Variants in PRICKLE2 observed in about 807,000 individuals in gnomAD.
PRICKLE2 encodes prickle-like protein 2.
A neutral mutation model predicts 81.4 loss-of-function variants in PRICKLE2; 21 were observed. The observed-to-expected ratio is 0.26, with a 90% confidence interval of 0.18 to 0.37. The LOEUF is 0.37. Ranked by LOEUF, PRICKLE2 falls within the 10% of genes least tolerant of loss-of-function variation. The pLI is 1.00. For synonymous variants in PRICKLE2, 456 were observed against 421.5 expected (o/e 1.08, Z -1.00); for missense variants, 940 against 1,109.0 (o/e 0.85, Z 2.16).
At chr3:64,188,102 C>G (rs1040182597) in intron 2 of PRICKLE2, among the ~76,000 whole-genome samples, 1 of 152,214 alleles carries the variant, frequency 6.6e-6, no homozygotes, top group Admixed American at 6.5e-5. Flanking sequence ...CGTATCTGCA[C>G]GCAAATCTGC....
chr3:64,153,473 T>G (rs2077578350), intron 5 of PRICKLE2, 105 bp from the exon 6 acceptor site: 1 of 1,052,340 alleles, frequency 9.5e-7, no homozygotes, highest in African/African-American at 1.6e-5. Context: ...AGAAAGCAGA[T>G]CCTACTCACA....
chr3:64,109,593 T>C (rs889720421), intron 7 of PRICKLE2, among the ~76,000 whole-genome samples: 3 of 150,722 alleles, frequency 2.0e-5, no homozygotes, highest in Non-Finnish European at 4.4e-5. Flanking sequence ...GGGGCAGGGG[T>C]GGGGGAGGAG....
intron 2 of PRICKLE2, 27 bp downstream of exon 2, chr3:64,198,757 C>A: frequency 6.2e-7 from 1 of 1,612,754 alleles, no homozygotes; most frequent in Non-Finnish European, 8.5e-7. Context: ...ACCCAAACCA[C>A]CAGCATGCTC....
At chr3:64,177,530 C>A (rs962295928) in intron 2 of PRICKLE2, among the ~76,000 whole-genome samples, 1 of 152,072 alleles carries the variant, frequency 6.6e-6, no homozygotes, top group Non-Finnish European at 1.5e-5. Flanking sequence ...ACTTTTTCAT[C>A]ATGTTAAACA....
chr3:64,187,331 C>T (rs2078252878), intron 2 of PRICKLE2, among the ~76,000 whole-genome samples: 1 of 152,234 alleles, frequency 6.6e-6, no homozygotes. Context: ...CAGCATTGTT[C>T]ATGTGACTAG....
intron 2 of PRICKLE2, among the ~76,000 whole-genome samples, chr3:64,233,038 A>C (rs1390231746): frequency 6.6e-6 from 1 of 152,246 alleles, no homozygotes; most frequent in Admixed American, 6.5e-5. Flanking sequence ...GGGTTGAGTC[A>C]TTGTAACAGA....
At chr3:64,139,171 G>A (rs2107000684) in intron 7 of PRICKLE2, among the ~76,000 whole-genome samples, 1 of 152,254 alleles carries the variant, frequency 6.6e-6, no homozygotes, top group East Asian at 1.9e-4. Flanking sequence ...GCCAAGGTGT[G>A]TAGATGAGGT....
At chr3:64,106,043 G>C (rs566611356) in intron 7 of PRICKLE2, 1 of 152,298 alleles carries the variant, frequency 6.6e-6, no homozygotes, top group South Asian at 2.1e-4. Flanking sequence ...CAGAAACTGT[G>C]CTCCTGTTTG....
At chr3:64,264,959 C>A (rs947931842) in intron 2 of PRICKLE2, among the ~76,000 whole-genome samples, 7 of 152,134 alleles carry the variant, frequency 4.6e-5, no homozygotes, top group African/African-American at 1.7e-4. Flanking sequence ...CTGGGCTAAT[C>A]TTGCAGGGAG....
chr3:64,150,507 G>T (rs1418222607), intron 6 of PRICKLE2, among the ~76,000 whole-genome samples: 1 of 152,084 alleles, frequency 6.6e-6, no homozygotes, highest in Non-Finnish European at 1.5e-5. Context: ...TAACTAGGAG[G>T]CTGCTCTGTC....
chr3:64,147,141 T>C lies in PRICKLE2; in HGVS notation c.1349A>G (p.Lys450Arg), dbSNP rs1426328509. The change falls in exon 7 of 8, where the codon AAA becomes AGA. Residue 450 changes from lysine to arginine, a missense_variant. Physicochemically the swap from Lys to Arg is conservative, Grantham distance 26. This residue lies in a region of PRICKLE2 where 670 missense variants were observed against 717.2 expected (regional missense o/e 0.93). Coordinates refer to ENST00000638394, the MANE Select transcript of PRICKLE2 (RefSeq NM_198859.4). The surrounding 1 kb of genome is among the most constrained non-coding windows in gnomAD (Gnocchi z 5.0). ...TGTCATGGCCAGTGACGAGCTCCTT[T>C]TGGGGTTGCTGAAGTGCTTGCCCCA... Reference protein sequence around the residue: ...EMWGKHFSNPKRSSSLAMTGH... With the variant: ...EMWGKHFSNPRRSSSLAMTGH... 5 of 1,614,040 alleles carry C rather than the reference T, an allele frequency of 3.1e-6. No individual in the cohort carries two copies. The highest frequency in any genetic ancestry group is 4.2e-6 in the Non-Finnish European group (5 of 1,180,036).
intron 2 of PRICKLE2, among the ~76,000 whole-genome samples, chr3:64,253,406 C>A (rs141182930): frequency 6.6e-6 from 1 of 152,120 alleles, no homozygotes; most frequent in Non-Finnish European, 1.5e-5. Context: ...AGACACCTAC[C>A]TCTGCCGGTC....
chr3:64,209,390 C>T (rs1030513141), intron 1 of PRICKLE2, among the ~76,000 whole-genome samples: 2 of 152,176 alleles, frequency 1.3e-5, no homozygotes, highest in Non-Finnish European at 2.9e-5. Context: ...ATCTACCCAT[C>T]CATCCATCCA....
intron 6 of PRICKLE2, among the ~76,000 whole-genome samples, chr3:64,150,500 C>T (rs139163397): frequency 6.6e-6 from 1 of 152,114 alleles, no homozygotes; most frequent in African/African-American, 2.4e-5. Context: ...CAAGAAATAA[C>T]TAGGAGGCTG....
intron 1 of PRICKLE2, among the ~76,000 whole-genome samples, chr3:64,204,892 A>G (rs889673034): frequency 9.9e-5 from 15 of 152,152 alleles, no homozygotes; most frequent in Non-Finnish European, 1.8e-4. Flanking sequence ...GTCAGAAGTG[A>G]TGCTAAGAGG....
chr3:64,183,071 A>G (rs2078162722), intron 2 of PRICKLE2, among the ~76,000 whole-genome samples: 2 of 152,196 alleles, frequency 1.3e-5, no homozygotes, highest in Admixed American at 1.3e-4. Context: ...TGCTGCTTGC[A>G]GAGTCCCACT....
rs1338832053 is a variant in PRICKLE2 at position 64,160,040 on chromosome 3, C to T, written c.296G>A (p.Arg99Lys). The change falls in exon 4 of 8, where the codon AGG becomes AAG. Residue 99 changes from arginine (R) to lysine (K), a missense_variant. Arg to Lys is a conservative substitution (Grantham distance 26). This residue lies in a region of PRICKLE2 where 270 missense variants were observed against 391.8 expected (regional missense o/e 0.69). Coordinates refer to ENST00000638394, the MANE Select transcript of PRICKLE2 (RefSeq NM_198859.4). Reference sequence around the variant, plus strand: ...CTGGCTGCTGAAAAGCTTCAGCTCCCTCTTCTCTTCCTCATCCAGGGAGTT... The same window carrying T: ...CTGGCTGCTGAAAAGCTTCAGCTCCTTCTTCTCTTCCTCATCCAGGGAGTT... The part of the protein sequence containing the change: ...YCNSLDEEEK[R>K]ELKLFSSQRK... 6.2e-7 allele frequency: 1 copy of T among 1,614,166 alleles called. No homozygotes were observed. Among genetic ancestry groups the T allele is most frequent in the Non-Finnish European group, 8.5e-7 (1 of 1,180,028 alleles).
At chr3:64,243,993 C>T (rs1369260478) in intron 2 of PRICKLE2, among the ~76,000 whole-genome samples, 1 of 152,098 alleles carries the variant, frequency 6.6e-6, no homozygotes, top group Non-Finnish European at 1.5e-5. Flanking sequence ...TTTGTGGCAG[C>T]CAAATTATGG....
At chr3:64,193,165 G>A (rs977875316) in intron 2 of PRICKLE2, among the ~76,000 whole-genome samples, 2 of 152,210 alleles carry the variant, frequency 1.3e-5, no homozygotes, top group African/African-American at 4.8e-5. Flanking sequence ...GTTAGCTGCT[G>A]CTGTCTTGTA....
Sources: allele counts gnomAD v4.1 joint callset (sites outside exome capture counted in the v4.1 genomes callset), GRCh38; gene constraint gnomAD v4.1.1; regional missense constraint gnomAD v4.1.1; non-coding constraint Gnocchi (gnomAD v3.1); transcripts MANE v1.5; gene names NCBI Gene and HGNC (gene_info 2026-07-23, HGNC 2026-07-21).